The following IGF2BP1 variants were observed in gnomAD, a reference collection of about 807,000 sequenced individuals.
IGF2BP1 encodes the protein insulin like growth factor 2 mRNA binding protein 1.
IGF2BP1 carries 11 observed loss-of-function variants against 74.9 expected under a neutral mutation model. The ratio of observed to expected loss-of-function variants is 0.15; its 90% confidence interval spans 0.09 to 0.24. IGF2BP1 has a LOEUF of 0.24. Among genes scored for constraint, IGF2BP1 ranks in the 10% least tolerant of loss-of-function variants. The pLI is 1.00. For synonymous variants in IGF2BP1, 287 were observed against 281.8 expected (o/e 1.02, Z -0.18); for missense variants, 440 against 757.4 (o/e 0.58, Z 4.92).
At chr17:48,998,152 G>A (rs2041432000) in intron 1 of IGF2BP1, among the ~76,000 whole-genome samples, 1 of 151,900 alleles carries the variant, frequency 6.6e-6, no homozygotes, top group Non-Finnish European at 1.5e-5. Context: ...CCTGAGATAA[G>A]GAGCTCTGGC....
chr17:49,022,451 G>C (rs2041804796), intron 2 of IGF2BP1, among the ~76,000 whole-genome samples: 3 of 152,114 alleles, frequency 2.0e-5, no homozygotes, highest in Admixed American at 2.0e-4. Context: ...ATCAGGGCTG[G>C]GGGCTTTGTT....
Position 49,003,737 on chromosome 17 carries a change from A to C in IGF2BP1, c.236+4568A>C, listed in dbSNP as rs946010472. Among the ~76,000 whole-genome samples the C allele has an allele frequency of 2.2e-4, 31 of 140,234 alleles. 1 individual carries two copies. Among genetic ancestry groups the C allele is most frequent in the African/African-American group, 7.9e-4 (30 of 37,876 alleles). 92.0% of individuals were successfully genotyped at this position (140,234 alleles called of 152,430 possible). ...GAAAAAAGCAGCAGGGGGAGACTGG[A>C]GAAATCAGACGAGTTAGTCCCGGCT... On this transcript the variant is annotated intron_variant, in intron 2 of 14. Coordinates refer to ENST00000290341, the MANE Select transcript of IGF2BP1 (RefSeq NM_006546.4).
chr17:49,047,163 C>A (rs918775221), intron 14 of IGF2BP1, among the ~76,000 whole-genome samples: 1 of 152,108 alleles, frequency 6.6e-6, no homozygotes, highest in East Asian at 1.9e-4. Context: ...TTTTGGCTTC[C>A]AGTGCCCATA....
intron 5 of IGF2BP1, among the ~76,000 whole-genome samples, chr17:49,032,707 TA>T (rs1289979551): frequency 6.6e-6 from 1 of 152,206 alleles, no homozygotes; most frequent in African/African-American, 2.4e-5. Context: ...TTCTTTTAGA[TA>T]CCTCCTGGGC....
intron 5 of IGF2BP1, chr17:49,036,269 C>T (rs2041986255): frequency 6.6e-6 from 1 of 151,984 alleles, no homozygotes; most frequent in African/African-American, 2.4e-5. Flanking sequence ...GGGAGCGTTG[C>T]GAGATTGTGG....
At chr17:48,998,281 C>T (rs1598116354) in intron 1 of IGF2BP1, among the ~76,000 whole-genome samples, 1 of 152,306 alleles carries the variant, frequency 6.6e-6, no homozygotes, top group East Asian at 1.9e-4. Flanking sequence ...CCCAGCCCCT[C>T]CCTATCCGCC....
At chr17:49,028,007 C>A (rs1426163595) in intron 4 of IGF2BP1, among the ~76,000 whole-genome samples, 3 of 151,376 alleles carry the variant, frequency 2.0e-5, no homozygotes, top group African/African-American at 7.3e-5. Context: ...TCCATGTCTA[C>A]AAAAAATTAG....
At chr17:48,997,142 G>A (rs960811619), upstream of IGF2BP1, among the ~76,000 whole-genome samples, 1 of 152,142 alleles carries the variant, frequency 6.6e-6, no homozygotes, top group Admixed American at 6.5e-5. This position sits in a 1 kb window ranked among gnomAD's most constrained non-coding sequence, Gnocchi z 4.8. Context: ...GGATGGGTGG[G>A]GGCGGGGCGC....
At position 48,997,541 on chromosome 17, in the gene IGF2BP1, G is replaced by A; in HGVS notation, c.-205G>A. The A allele has an allele frequency of 1.7e-6, 1 of 576,788 alleles. No homozygotes were observed. Among genetic ancestry groups the A allele is most frequent in the Non-Finnish European group, 3.1e-6 (1 of 327,196 alleles). 35.7% of individuals were successfully genotyped at this position (576,788 alleles called of 1,614,324 possible). On this transcript the variant is annotated 5_prime_UTR_variant, in exon 1 of 15. Transcript: ENST00000290341. This position sits in a 1 kb window ranked among gnomAD's most constrained non-coding sequence, Gnocchi z 4.8. ...CTGCGCGCCGCGGGCACTTCTCCTG[G>A]GCTCTCCCCGAACTCTCCCGCGACC...
At position 49,038,234 on chromosome 17, in the gene IGF2BP1, T is replaced by C. The variant is rs1256058013; in HGVS notation, c.468T>C (p.Asp156=). ...CCCTGAAGGTCTCCTACATCCCCGA[T>C]GAGCAGATAGCACAGGGACCTGAGA... is the stretch of plus-strand genomic sequence containing the variant. The part of the protein sequence containing the change: ...NHALKVSYIP[D]EQIAQGPENG... Residue 156 remains aspartate (D), a synonymous_variant, in exon 6 of 15, where the codon GAT becomes GAC. Transcript: ENST00000290341. The C allele has an allele frequency of 6.3e-7, 1 of 1,579,980 alleles. No homozygotes were observed. Among genetic ancestry groups the C allele is most frequent in the Non-Finnish European group, 8.6e-7 (1 of 1,161,554 alleles).
At chr17:49,049,296 G>C in intron 14 of IGF2BP1, 56 bp from the exon 15 acceptor site, 2 of 1,483,696 alleles carry the variant, frequency 1.3e-6, no homozygotes, top group Admixed American at 3.5e-5. Context: ...TCTCTTCCGT[G>C]GAAGGCTGTC....
At chr17:49,019,955 T>TACATATATATATATATTTATATAC (rs2041767250) in intron 2 of IGF2BP1, among the ~76,000 whole-genome samples, 19 of 78,454 alleles carry the variant, frequency 2.4e-4, no homozygotes, top group Admixed American at 7.9e-4. Context: ...TATATTTATA[T>TACATATATATATATATTTATATAC]ACACACACAC....
chr17:48,998,716 C>T (rs1166555662), intron 1 of IGF2BP1, among the ~76,000 whole-genome samples: 1 of 151,322 alleles, frequency 6.6e-6, no homozygotes, highest in South Asian at 2.1e-4. Flanking sequence ...AAGTTTCATT[C>T]TGCACACTGC....
chr17:49,007,851 T>C (rs2041568853), intron 2 of IGF2BP1, among the ~76,000 whole-genome samples: 1 of 152,092 alleles, frequency 6.6e-6, no homozygotes, highest in South Asian at 2.1e-4. Context: ...ACCAGTTGCT[T>C]TGGCAGGATT....
In IGF2BP1 at chr17:49,017,571, T is replaced by A. The variant is rs372371611; in HGVS notation, c.237-8047T>A. Among the ~76,000 whole-genome samples the A allele has an allele frequency of 3.3e-5, 5 of 152,284 alleles. No homozygotes were observed. In the East Asian group the frequency reaches 5.8e-4, roughly 18 times the overall value. ...TTGGAGGGTACTTAAGTTTTAGAAA[T>A]CTAGTATTCTAAACTAGATTAAAAT... On this transcript the variant is annotated intron_variant, in intron 2 of 14. Transcript: ENST00000290341.
chr17:49,045,103 GA>G (rs779160784), intron 12 of IGF2BP1, 38 bp downstream of exon 12: 6 of 1,574,306 alleles, frequency 3.8e-6, no homozygotes, highest in Non-Finnish European at 4.4e-6. Flanking sequence ...GAACATGGAG[GA>G]ATTGAGGTTG....
intron 7 of IGF2BP1, 93 bp downstream of exon 7, chr17:49,040,184 A>G: frequency 7.4e-7 from 1 of 1,349,982 alleles, no homozygotes; most frequent in Non-Finnish European, 1.0e-6. Flanking sequence ...GACATATAAG[A>G]AATACAGTCA....
intron 9 of IGF2BP1, among the ~76,000 whole-genome samples, chr17:49,042,965 T>A (rs950743557): frequency 6.6e-6 from 1 of 152,202 alleles, no homozygotes; most frequent in African/African-American, 2.4e-5. Flanking sequence ...ATTATAAGCA[T>A]GAGCCACTGC....
intron 2 of IGF2BP1, among the ~76,000 whole-genome samples, chr17:49,006,327 CAG>C (rs1389227355): frequency 6.6e-6 from 1 of 152,164 alleles, no homozygotes; most frequent in African/African-American, 2.4e-5. Context: ...GCTGTTAGGT[CAG>C]AGTCTTAATG....
Sources: gnomAD v4.1 joint callset for allele counts (sites outside exome capture counted in the v4.1 genomes callset) on GRCh38, gnomAD v4.1.1 for gene constraint, Gnocchi (gnomAD v3.1) non-coding constraint, MANE v1.5 for transcripts, NCBI Gene and HGNC (gene_info 2026-07-23, HGNC 2026-07-21) for gene names.